The following NRG1 variants were observed in gnomAD, a reference collection of about 807,000 sequenced individuals.
NRG1 encodes pro-neuregulin-1, membrane-bound isoform.
NRG1 carries 18 observed loss-of-function variants against 63.8 expected under a neutral mutation model. The observed-to-expected ratio is 0.28, with a 90% CI of 0.19 to 0.42. The LOEUF (loss-of-function observed/expected upper bound fraction) is 0.42. Among genes scored for constraint, NRG1 ranks in the 10% least tolerant of loss-of-function variants. NRG1 has a pLI of 1.00. For synonymous variants in NRG1, 302 were observed against 301.3 expected (o/e 1.00, Z -0.02); for missense variants, 762 against 814.7 (o/e 0.94, Z 0.79).
At chr8:32,036,958 T>G (rs1213119902) in intron 1 of NRG1, among the ~76,000 whole-genome samples, 2 of 152,190 alleles carry the variant, frequency 1.3e-5, no homozygotes, top group Non-Finnish European at 2.9e-5. Flanking sequence ...CAGCCTCAGC[T>G]CAGTTCAGGG....
chr8:32,509,728 C>T (rs1446744381), intron 1 of NRG1, among the ~76,000 whole-genome samples: 1 of 152,130 alleles, frequency 6.6e-6, no homozygotes, highest in East Asian at 1.9e-4. Flanking sequence ...GGATTTAAGT[C>T]TGAGGGTCCT....
At chr8:31,776,864 G>C (rs1819197482) in intron 1 of NRG1, among the ~76,000 whole-genome samples, 1 of 152,134 alleles carries the variant, frequency 6.6e-6, no homozygotes, top group African/African-American at 2.4e-5. Flanking sequence ...CAAAGGACAT[G>C]AACTCATCAT....
chr8:32,349,413 A>G (rs1206117378), intron 1 of NRG1, among the ~76,000 whole-genome samples: 1 of 152,180 alleles, frequency 6.6e-6, no homozygotes, highest in Non-Finnish European at 1.5e-5. Context: ...GGACAGACTG[A>G]AAAGAGAACA....
intron 1 of NRG1, among the ~76,000 whole-genome samples, chr8:32,471,863 C>G (rs1483854043): frequency 2.6e-5 from 4 of 152,102 alleles, no homozygotes; most frequent in African/African-American, 7.2e-5. Flanking sequence ...AACTTTAGGG[C>G]TGGTGCTCAA....
intron 1 of NRG1, among the ~76,000 whole-genome samples, chr8:31,774,920 C>T (rs1055656497): frequency 6.6e-6 from 1 of 152,042 alleles, no homozygotes. Flanking sequence ...ATTAAAAAGT[C>T]ACACACACAA....
intron 1 of NRG1, among the ~76,000 whole-genome samples, chr8:31,813,516 C>CTTTTCTTTTCTTTTCTTTTTTTTTTTTT: frequency 7.9e-5 from 8 of 101,218 alleles, no homozygotes; most frequent in Non-Finnish European, 9.8e-5. Flanking sequence ...CTTTTCTTTT[C>CTTTTCTTTTCTTTTCTTTTTTTTTTTTT]TTTTTTTTTT....
intron 1 of NRG1, among the ~76,000 whole-genome samples, chr8:32,491,379 AT>A (rs1467774261): frequency 6.6e-6 from 1 of 152,204 alleles, no homozygotes; most frequent in African/African-American, 2.4e-5. Context: ...AAAAATTACT[AT>A]TTTAATAAAT....
At chr8:32,122,616 T>TTATTA (rs1563811832) in intron 1 of NRG1, among the ~76,000 whole-genome samples, 22 of 150,652 alleles carry the variant, frequency 1.5e-4, no homozygotes, top group Non-Finnish European at 1.5e-5. Context: ...TTAAGAACTT[T>TTATTA]TTATTATTAT....
chr8:31,863,528 T>G lies in NRG1; in HGVS notation c.37+224097T>G, dbSNP rs1828667063. On this transcript the variant is annotated intron_variant, in intron 1 of 10. Transcript: ENST00000519301. ...TACATATGTCATATTTACAAATGCC[T>G]CATGTGTCTCAGGGTGGTAAAAATG... 2.0e-5 allele frequency among the ~76,000 whole-genome samples: 3 copies of G among 152,334 alleles called. No individual in the cohort carries two copies. The South Asian group carries it at 6.2e-4, about 32-fold the overall frequency.
chr8:32,713,215 A>G (rs1818251542), intron 5 of NRG1, among the ~76,000 whole-genome samples: 2 of 152,160 alleles, frequency 1.3e-5, no homozygotes, highest in Non-Finnish European at 2.9e-5. Flanking sequence ...AGTCCTATAT[A>G]GGAAACTCCA....
chr8:32,609,927 T>C (rs1172087436), intron 3 of NRG1, among the ~76,000 whole-genome samples: 1 of 151,690 alleles, frequency 6.6e-6, no homozygotes, highest in East Asian at 1.9e-4. Context: ...CACTTTGGGC[T>C]CCCAAAGTGC....
At chr8:32,357,776 T>C (rs1440855910) in intron 1 of NRG1, among the ~76,000 whole-genome samples, 1 of 152,180 alleles carries the variant, frequency 6.6e-6, no homozygotes, top group Non-Finnish European at 1.5e-5. Flanking sequence ...TGCCAGCTGT[T>C]GGGAATAGAA....
intron 5 of NRG1, among the ~76,000 whole-genome samples, chr8:32,704,780 G>A (rs544251864): frequency 2.6e-5 from 4 of 152,090 alleles, no homozygotes; most frequent in Non-Finnish European, 5.9e-5. Context: ...AAGTCATAGT[G>A]CAAACAAAAT....
At chr8:31,801,370 T>G (rs1821769649) in intron 1 of NRG1, among the ~76,000 whole-genome samples, 1 of 152,232 alleles carries the variant, frequency 6.6e-6, no homozygotes, top group Non-Finnish European at 1.5e-5. Context: ...GTATTGGCTA[T>G]TCTCTTTTCT....
chr8:31,997,132 A>AT lies in NRG1; in HGVS notation c.37+357708dup, dbSNP rs576748232. Among the ~76,000 whole-genome samples the AT allele has an allele frequency of 2.9e-3, 439 of 149,784 alleles. 1 individual carries two copies. The highest frequency in any genetic ancestry group is 5.3e-3 in the Non-Finnish European group (356 of 67,600). On this transcript the variant is annotated intron_variant, in intron 1 of 10. Coordinates refer to the NRG1 transcript ENST00000519301. Reference sequence around the variant, plus strand: ...TTAATTGAATGGGAATAATATGGGCATTTTTTTATCATTTGCCCAAAATAT... The same window carrying AT: ...TTAATTGAATGGGAATAATATGGGCATTTTTTTTATCATTTGCCCAAAATAT...
intron 1 of NRG1, among the ~76,000 whole-genome samples, chr8:31,732,732 T>C (rs964506277): frequency 1.3e-5 from 2 of 151,992 alleles, no homozygotes; most frequent in African/African-American, 4.8e-5. Flanking sequence ...CCATCTCTAC[T>C]AAAAATACAA....
At chr8:32,223,149 C>A (rs1845996276) in intron 1 of NRG1, among the ~76,000 whole-genome samples, 1 of 152,070 alleles carries the variant, frequency 6.6e-6, no homozygotes, top group Non-Finnish European at 1.5e-5. Flanking sequence ...AAACACGTGA[C>A]AATTTTAGAA....
At chr8:31,756,152 A>T (rs543727300) in intron 1 of NRG1, among the ~76,000 whole-genome samples, 1 of 152,278 alleles carries the variant, frequency 6.6e-6, no homozygotes, top group East Asian at 1.9e-4. Context: ...GAGAGGAGAC[A>T]ACTGAAGTCT....
At chr8:32,364,149 A>G (rs1304027249) in intron 1 of NRG1, among the ~76,000 whole-genome samples, 1 of 141,090 alleles carries the variant, frequency 7.1e-6, no homozygotes, top group Non-Finnish European at 1.5e-5. Flanking sequence ...AAATATACAT[A>G]TATGTGTGCA....
Sources: allele counts gnomAD v4.1 joint callset (sites outside exome capture counted in the v4.1 genomes callset), GRCh38; gene constraint gnomAD v4.1.1; transcripts MANE v1.5; gene names NCBI Gene and HGNC (gene_info 2026-07-23, HGNC 2026-07-21).